Variants in DENND2D observed in about 807,000 individuals in gnomAD.
DENND2D encodes the protein DENN domain-containing protein 2D.
DENND2D carries 37 observed loss-of-function variants against 59.8 expected under a neutral mutation model. The observed-to-expected ratio is 0.62, with a 90% CI of 0.48 to 0.81. The LOEUF is 0.81. DENND2D is among the 40% of genes least tolerant of loss of function. The probability of loss-of-function intolerance (pLI) is 0.00; values close to 1 mark genes in which losing one functional copy is unlikely to be tolerated. For synonymous variants in DENND2D, 219 were observed against 211.3 expected, an observed-to-expected ratio of 1.04 and a Z score of -0.31; for missense variants, 525 against 579.7, an observed-to-expected ratio of 0.91 and a Z score of 0.97.
Position 111,186,668 on chromosome 1 carries a change from G to T in DENND2D, c.*937C>A, listed in dbSNP as rs1003727718. 6.6e-6 allele frequency among the ~76,000 whole-genome samples: 1 copy of T among 152,152 alleles called. No individual in the cohort carries two copies. The highest frequency in any genetic ancestry group is 2.4e-5 in the African/African-American group (1 of 41,434). On this transcript the variant is annotated 3_prime_UTR_variant, in exon 12 of 12. Transcript: ENST00000357640. ...AAATTACGATTCTTTTCTCAAAGGG[G>T]AAGAACGTCAGTGCAGCGATCCCTT...
At chr1:111,192,421 G>A (rs1309810394) in intron 7 of DENND2D, 104 bp from the exon 8 acceptor site, 6 of 1,246,064 alleles carry the variant, frequency 4.8e-6, no homozygotes, top group Non-Finnish European at 6.3e-6. Context: ...TGCTGCCCAT[G>A]CCCATGGGCA....
At chr1:111,189,105 C>A in intron 9 of DENND2D, 107 bp downstream of exon 9, 2 of 1,314,178 alleles carry the variant, frequency 1.5e-6, no homozygotes, top group Non-Finnish European at 2.2e-6. Context: ...CACAGATTCT[C>A]ACTCAACAAA....
rs894460525 is a variant in DENND2D, at chr1:111,187,294, G to A, written c.*311C>T. 2.4e-5 allele frequency: 8 copies of A among 330,674 alleles called. No homozygotes were observed. The highest frequency in any genetic ancestry group is 4.0e-5 in the Non-Finnish European group (7 of 176,182). 20.5% of individuals were successfully genotyped at this position (330,674 alleles called of 1,614,324 possible). On this transcript the variant is annotated 3_prime_UTR_variant, in exon 12 of 12. Transcript: ENST00000357640. ...TGAAGATGTTATAATGATGGGAGAG[G>A]GCAGTTGCAGCAGCTTCTAACCAAG...
At chr1:111,194,949 C>T (rs941112511) in intron 6 of DENND2D, among the ~76,000 whole-genome samples, 1 of 152,070 alleles carries the variant, frequency 6.6e-6, no homozygotes, top group Non-Finnish European at 1.5e-5. Context: ...CGAGCACACG[C>T]CCCTCTCTCA....
intron 9 of DENND2D, 106 bp from the exon 10 acceptor site, chr1:111,188,892 C>T (rs373393106): frequency 1.1e-4 from 107 of 935,956 alleles, no homozygotes; most frequent in Middle Eastern, 2.8e-4. Flanking sequence ...CCACTCCACC[C>T]GCAAATAGCC....
At position 111,192,132 on chromosome 1, in the gene DENND2D, C is replaced by A; in HGVS notation, c.972+8G>T. Reference sequence around the variant, plus strand: ...TCCAAATCATGCACTCTTCTTGCCACATCATACCTCTTCCATAGGGCTGTC... The same window carrying A: ...TCCAAATCATGCACTCTTCTTGCCAAATCATACCTCTTCCATAGGGCTGTC... On this transcript the variant is annotated splice_region_variant and intron_variant, in intron 8 of 11. Transcript: ENST00000357640. The A allele has an allele frequency of 6.3e-7, 1 of 1,586,770 alleles. No individual in the cohort carries two copies. Among genetic ancestry groups the A allele is most frequent in the Non-Finnish European group, 8.6e-7 (1 of 1,163,528 alleles).
intron 7 of DENND2D, 110 bp downstream of exon 7, chr1:111,194,468 G>A: frequency 8.0e-7 from 1 of 1,257,816 alleles, no homozygotes; most frequent in Non-Finnish European, 1.1e-6. Context: ...GAAACAGGAG[G>A]GTGGGCGCAT....
chr1:111,201,927 C>T (rs1225408220), upstream of DENND2D, among the ~76,000 whole-genome samples: 2 of 152,254 alleles, frequency 1.3e-5, no homozygotes, highest in Non-Finnish European at 2.9e-5. Context: ...TTGCAAGCTG[C>T]ACAGACTTGT....
chr1:111,197,481 G>A (rs971229461), intron 4 of DENND2D: 10 of 1,406,748 alleles, frequency 7.1e-6, no homozygotes, highest in Non-Finnish European at 9.2e-6. Flanking sequence ...ACAATCTGGG[G>A]TCAGCAAAGA....
At chr1:111,200,369 G>A in intron 1 of DENND2D, 24 bp downstream of exon 1, 1 of 1,607,430 alleles carries the variant, frequency 6.2e-7, no homozygotes, top group East Asian at 2.2e-5. Context: ...CTAAAAACAA[G>A]GAAGTAGGCA....
intron 11 of DENND2D, 21 bp from the exon 12 acceptor site, chr1:111,187,702 G>T (rs1041722461): frequency 6.3e-7 from 1 of 1,589,080 alleles, no homozygotes. Context: ...AAATACAGGT[G>T]TTAGAGGCAT....
At chr1:111,189,616 G>A (rs564693851) in intron 8 of DENND2D, among the ~76,000 whole-genome samples, 1 of 152,288 alleles carries the variant, frequency 6.6e-6, no homozygotes, top group South Asian at 2.1e-4. Context: ...TGCTTTACAC[G>A]TTTGATCTCA....
At position 111,195,734 on chromosome 1, in the gene DENND2D, A is replaced by G. The variant is rs960453320; in HGVS notation, c.645+182T>C. On this transcript the variant is annotated intron_variant, in intron 6 of 11. Transcript: ENST00000357640. ...AGTAACTAGGTGCTTGTGGGTATCA[A>G]GTTAGAAGGATCAGAAAATCTGGGT... The G allele has an allele frequency of 4.1e-5, 32 of 783,244 alleles. 1 individual carries two copies. The South Asian group carries it at 5.0e-4, about 12-fold the overall frequency. 48.5% of individuals were successfully genotyped at this position (783,244 alleles called of 1,614,324 possible).
chr1:111,200,146 AG>A, intron 1 of DENND2D: 3 of 581,778 alleles, frequency 5.2e-6, no homozygotes, highest in Non-Finnish European at 9.0e-6. Flanking sequence ...ATATGGCCTG[AG>A]AGTTTAGTTC....
At chr1:111,197,319 T>C (rs1658338344) in intron 4 of DENND2D, 66 bp from the exon 5 acceptor site, 3 of 1,565,456 alleles carry the variant, frequency 1.9e-6, no homozygotes, top group East Asian at 4.7e-5. Flanking sequence ...CAACTGGGTA[T>C]GAAGGAGCAC....
At chr1:111,193,555 A>C (rs534301637) in intron 7 of DENND2D, among the ~76,000 whole-genome samples, 27 of 152,138 alleles carry the variant, frequency 1.8e-4, no homozygotes, top group Non-Finnish European at 3.4e-4. Flanking sequence ...TTTTTACAGA[A>C]TCTTCAACAC....
At chr1:111,199,842 A>G (rs1467717772) in intron 1 of DENND2D, 44 bp from the exon 2 acceptor site, 4 of 1,583,248 alleles carry the variant, frequency 2.5e-6, no homozygotes, top group South Asian at 2.3e-5. Flanking sequence ...TCATTGATCC[A>G]TTCCTGGAGT....
intron 2 of DENND2D, 51 bp from the exon 3 acceptor site, chr1:111,198,793 G>C (rs369436297): frequency 2.1e-5 from 33 of 1,588,242 alleles, no homozygotes; most frequent in Non-Finnish European, 2.5e-5. Context: ...GGCAGAGATA[G>C]CAGGAGACAG....
intron 8 of DENND2D, among the ~76,000 whole-genome samples, chr1:111,191,409 C>T (rs1052905554): frequency 1.4e-4 from 21 of 152,222 alleles, no homozygotes; most frequent in African/African-American, 5.1e-4. Flanking sequence ...CCAAGTCCCT[C>T]TTCTGGCTTG....
Sources: gnomAD v4.1 joint callset for allele counts (sites outside exome capture counted in the v4.1 genomes callset) on GRCh38, gnomAD v4.1.1 for gene constraint, MANE v1.5 for transcripts, NCBI Gene and HGNC (gene_info 2026-07-23, HGNC 2026-07-21) for gene names.